NALCN: variants seen among roughly 807,000 people sequenced by gnomAD.
The protein encoded by NALCN is sodium leak channel, non-selective.
NALCN carries 111 observed loss-of-function variants against 225.3 expected under a neutral mutation model. The observed-to-expected ratio is 0.49, with a 90% CI of 0.42 to 0.58. The LOEUF is 0.58. NALCN is among the 20% of genes least tolerant of loss of function. The pLI is 0.00. For missense variants in NALCN, 1,378 were observed against 2,202.4 expected (o/e 0.63, Z 7.49); for synonymous variants, 764 against 769.0 (o/e 0.99, Z 0.11).
At chr13:101,209,957 T>C (rs1380523518) in intron 13 of NALCN, among the ~76,000 whole-genome samples, 1 of 152,228 alleles carries the variant, frequency 6.6e-6, no homozygotes, top group East Asian at 1.9e-4. Context: ...ATCTTTTGCC[T>C]GTTGCCTTTT....
At chr13:101,372,084 T>C (rs1443454720) in intron 6 of NALCN, among the ~76,000 whole-genome samples, 1 of 152,172 alleles carries the variant, frequency 6.6e-6, no homozygotes, top group Admixed American at 6.6e-5. Context: ...TCATATACCC[T>C]GGCATCCCGA....
chr13:101,099,068 A>T (rs951220249), intron 27 of NALCN, among the ~76,000 whole-genome samples: 2 of 151,786 alleles, frequency 1.3e-5, no homozygotes, highest in African/African-American at 4.9e-5. Flanking sequence ...CTCTTAGGCC[A>T]CTGTTAATAT....
intron 18 of NALCN, among the ~76,000 whole-genome samples, chr13:101,119,955 A>C (rs967093027): frequency 6.6e-6 from 1 of 152,210 alleles, no homozygotes; most frequent in Non-Finnish European, 1.5e-5. Context: ...AGAGTTCTCA[A>C]ATATATCAAA....
rs1257172099 is a variant in NALCN, at chr13:101,082,878, G to A, written c.3696C>T (p.Asp1232=). 7 of 1,614,084 alleles carry A rather than the reference G, an allele frequency of 4.3e-6. No homozygotes were observed. Among genetic ancestry groups the A allele is most frequent in the East Asian group, 2.2e-5 (1 of 44,870 alleles). The change falls in exon 33 of 44, where the codon GAC becomes GAT. Residue 1232 remains aspartate, a synonymous_variant. Coordinates refer to ENST00000251127, the MANE Select transcript of NALCN (RefSeq NM_052867.4). ...AAGGTACGGTCACCGGGTCCTCGACGTCCCACTGCAACAGAAACAGCACAC... is the reference window on the plus strand; with the variant it reads ...AAGGTACGGTCACCGGGTCCTCGACATCCCACTGCAACAGAAACAGCACAC... ...AQSVLLSVKW[D]VEDPVTVPLA...
intron 7 of NALCN, among the ~76,000 whole-genome samples, chr13:101,303,355 C>T (rs1345090367): frequency 2.6e-5 from 4 of 152,112 alleles, no homozygotes; most frequent in Non-Finnish European, 4.4e-5. Flanking sequence ...GCTTATGCAT[C>T]ACTAACAGCA....
chr13:101,211,543 A>G (rs2040522824), intron 13 of NALCN, among the ~76,000 whole-genome samples: 1 of 152,054 alleles, frequency 6.6e-6, no homozygotes, highest in Non-Finnish European at 1.5e-5. Flanking sequence ...CCACAAAAAT[A>G]AATTCCAACA....
At chr13:101,266,169 G>A (rs1305565813) in intron 10 of NALCN, among the ~76,000 whole-genome samples, 1 of 152,094 alleles carries the variant, frequency 6.6e-6, no homozygotes, top group Admixed American at 6.6e-5. Context: ...AGCCTGCAGT[G>A]GACACCGTGT....
intron 14 of NALCN, 108 bp downstream of exon 14, chr13:101,191,809 A>G: frequency 8.8e-7 from 1 of 1,142,692 alleles, no homozygotes; most frequent in Non-Finnish European, 1.2e-6. Context: ...ATTAGTCTGC[A>G]TTAGTCCTTT....
intron 1 of NALCN, among the ~76,000 whole-genome samples, chr13:101,411,275 A>G (rs2047776967): frequency 6.6e-6 from 1 of 151,846 alleles, no homozygotes; most frequent in East Asian, 1.9e-4. Flanking sequence ...TTAGGTCACA[A>G]AACTCTTTAA....
rs558392244 is a variant in NALCN at position 101,219,936 on chromosome 13, A to G, written c.1626+9457T>C. On this transcript the variant is annotated intron_variant, in intron 13 of 43. Transcript: ENST00000251127. Reference sequence around the variant, plus strand: ...CTCTTAGTTATCATGCCTGTTTGATAGACATCATTACCATTTTAAAAATGA... The same window carrying G: ...CTCTTAGTTATCATGCCTGTTTGATGGACATCATTACCATTTTAAAAATGA... Among the ~76,000 whole-genome samples, 12 of 152,294 alleles carry G rather than the reference A, an allele frequency of 7.9e-5. No homozygotes were observed. In the South Asian group the frequency reaches 2.5e-3, roughly 32 times the overall value.
At chr13:101,414,882 C>G (rs1300800347) in intron 1 of NALCN, among the ~76,000 whole-genome samples, 3 of 150,762 alleles carry the variant, frequency 2.0e-5, no homozygotes, top group Non-Finnish European at 4.4e-5. Flanking sequence ...AACCTTTTCA[C>G]TTTTTAAGTT....
intron 17 of NALCN, among the ~76,000 whole-genome samples, chr13:101,140,707 C>T (rs1262127136): frequency 6.6e-6 from 1 of 152,194 alleles, no homozygotes; most frequent in Non-Finnish European, 1.5e-5. Context: ...TTCCATGCCC[C>T]ATGCACAGTG....
chr13:101,243,585 C>A (rs1300013085), intron 11 of NALCN, among the ~76,000 whole-genome samples: 1 of 105,428 alleles, frequency 9.5e-6, no homozygotes, highest in African/African-American at 3.4e-5. Flanking sequence ...TTTATGCTAT[C>A]TTAAGCAGTG....
rs1727667200 is a variant in NALCN, at chr13:101,074,503, T to C, written c.4103+11A>G. 1.3e-6 allele frequency: 2 copies of C among 1,590,930 alleles called. No homozygotes were observed. Among genetic ancestry groups the C allele is most frequent in the Admixed American group, 1.9e-5 (1 of 53,216 alleles). ...CTTGATAAATGAATAGAAAGATAAG[T>C]ATATACCAACCTGTTAATATTCTCC... is the stretch of plus-strand genomic sequence containing the variant. On this transcript the variant is annotated intron_variant, in intron 36 of 43. Coordinates refer to ENST00000251127, the MANE Select transcript of NALCN (RefSeq NM_052867.4).
At chr13:101,106,854 T>G (rs114169269) in intron 22 of NALCN, among the ~76,000 whole-genome samples, 1,599 of 152,318 alleles carry the variant, frequency 0.01, 30 homozygotes, top group African/African-American at 0.036. Context: ...ATCAGTGGCA[T>G]GAAAATGGAC....
At chr13:101,122,097 A>G (rs2036006664) in intron 18 of NALCN, among the ~76,000 whole-genome samples, 1 of 152,104 alleles carries the variant, frequency 6.6e-6, no homozygotes, top group African/African-American at 2.4e-5. Flanking sequence ...CTGATGGATC[A>G]CATTATAATG....
intron 7 of NALCN, among the ~76,000 whole-genome samples, chr13:101,322,662 T>C (rs2044787045): frequency 6.6e-6 from 1 of 152,214 alleles, no homozygotes; most frequent in Non-Finnish European, 1.5e-5. Flanking sequence ...GTTTTAACTA[T>C]TATAGAAGTA....
intron 10 of NALCN, among the ~76,000 whole-genome samples, chr13:101,275,366 C>T (rs927554021): frequency 2.6e-5 from 4 of 152,184 alleles, no homozygotes; most frequent in Admixed American, 2.6e-4. Flanking sequence ...GAGAGACAGG[C>T]AGAGAAAGGC....
intron 13 of NALCN, among the ~76,000 whole-genome samples, chr13:101,208,853 A>G (rs1184324126): frequency 2.0e-5 from 3 of 152,128 alleles, no homozygotes; most frequent in Non-Finnish European, 4.4e-5. Flanking sequence ...CTGAGGCCTC[A>G]CAAGGAGCAG....
Sources: gnomAD v4.1 joint callset for allele counts (sites outside exome capture counted in the v4.1 genomes callset) on GRCh38, gnomAD v4.1.1 for gene constraint, MANE v1.5 for transcripts, NCBI Gene and HGNC (gene_info 2026-07-23, HGNC 2026-07-21) for gene names.